The following FBXO38 variants were observed in gnomAD, a reference collection of about 807,000 sequenced individuals.
The protein encoded by FBXO38 is F-box protein 38, also known as F-box only protein 38.
A neutral mutation model predicts 131.9 loss-of-function variants in FBXO38; 53 were observed. The ratio of observed to expected loss-of-function variants is 0.40; its 90% CI spans 0.32 to 0.51. FBXO38 has a LOEUF of 0.51. FBXO38 is among the 20% of genes least tolerant of loss of function. FBXO38 has a pLI of 0.53. For missense variants in FBXO38, 1,076 were observed against 1,475.6 expected, an observed-to-expected ratio of 0.73 and a Z score of 4.44; for synonymous variants, 452 against 505.6, an observed-to-expected ratio of 0.89 and a Z score of 1.42.
rs535603650 is a variant in FBXO38 at position 148,416,211 on chromosome 5, G to A, written c.1407+141G>A. On this transcript the variant is annotated intron_variant, in intron 11 of 21. Transcript: ENST00000340253. The stretch of plus-strand genomic sequence containing the variant: ...ACTTTTTACTGCCAGCCTCAGTGAA[G>A]GCATAAAGGTTGTAATAATGCATAG... The A allele has an allele frequency of 2.4e-5, 17 of 716,968 alleles. No homozygotes were observed. The Admixed American group carries it at 3.2e-4, about 14-fold the overall frequency. 44.4% of individuals were successfully genotyped at this position (716,968 alleles called of 1,614,324 possible). A position where few individuals can be genotyped will look rare whatever the true frequency, so the allele number is the denominator to read the frequency against.
At chr5:148,432,000 C>G (rs564487693) in intron 15 of FBXO38, among the ~76,000 whole-genome samples, 5 of 152,296 alleles carry the variant, frequency 3.3e-5, no homozygotes, top group African/African-American at 1.2e-4. Context: ...GGCTAAATCT[C>G]TGAAGTTCCC....
intron 17 of FBXO38, among the ~76,000 whole-genome samples, chr5:148,436,619 C>T (rs1051759866): frequency 1.3e-5 from 2 of 152,080 alleles, no homozygotes; most frequent in Non-Finnish European, 1.5e-5. Context: ...TATCTCCTAC[C>T]ATATTAGTAG....
intron 5 of FBXO38, among the ~76,000 whole-genome samples, chr5:148,403,279 A>G (rs950991468): frequency 6.6e-6 from 1 of 152,130 alleles, no homozygotes; most frequent in Non-Finnish European, 1.5e-5. Flanking sequence ...AAAATGCATT[A>G]ATTTATGGGA....
At chr5:148,423,205 T>C (rs1482237968) in intron 12 of FBXO38, among the ~76,000 whole-genome samples, 2 of 152,168 alleles carry the variant, frequency 1.3e-5, no homozygotes, top group Non-Finnish European at 2.9e-5. Flanking sequence ...GTGTGCATCC[T>C]CTTTAAGAGC....
chr5:148,413,103 A>G (rs1395323300), intron 9 of FBXO38: 2 of 152,128 alleles, frequency 1.3e-5, no homozygotes, highest in South Asian at 2.1e-4. Context: ...TCCTAAGAGC[A>G]GGGAAATGAT....
intron 13 of FBXO38, among the ~76,000 whole-genome samples, chr5:148,424,852 A>T (rs537988360): frequency 6.6e-6 from 1 of 151,784 alleles, no homozygotes; most frequent in East Asian, 1.9e-4. Context: ...GTGACAGGAA[A>T]AAAGCTAGGT....
intron 12 of FBXO38, 24 bp from the exon 13 acceptor site, chr5:148,423,974 A>C (rs749825662): frequency 1.9e-6 from 3 of 1,601,450 alleles, no homozygotes; most frequent in Non-Finnish European, 2.6e-6. Context: ...TTTGGTTTTT[A>C]CTTTGTGTAT....
chr5:148,393,188 G>GGGGGGT (rs1420907423), intron 1 of FBXO38, among the ~76,000 whole-genome samples: 3 of 127,036 alleles, frequency 2.4e-5, no homozygotes, highest in African/African-American at 9.2e-5. Context: ...ACAGAAGAGG[G>GGGGGGT]GTGTGTGTGT....
At position 148,391,614 on chromosome 5, in the gene FBXO38, A is replaced by G. The variant is rs533988152; in HGVS notation, c.-63-3100A>G. On this transcript the variant is annotated intron_variant, in intron 1 of 21. Transcript: ENST00000340253. ...TGCTAGAGTGAGTATACTGAGAGCA[A>G]GTGGTAAGGATTGGAAGAAGATAAG... Among the ~76,000 whole-genome samples, 4 of 152,308 alleles carry G rather than the reference A, an allele frequency of 2.6e-5. No homozygotes were observed. The East Asian group carries it at 7.7e-4, about 29-fold the overall frequency.
At chr5:148,392,807 G>C (rs914855529) in intron 1 of FBXO38, among the ~76,000 whole-genome samples, 5 of 151,988 alleles carry the variant, frequency 3.3e-5, no homozygotes, top group Non-Finnish European at 7.4e-5. Context: ...AATACAAATG[G>C]GTCAGATGGG....
intron 9 of FBXO38, among the ~76,000 whole-genome samples, chr5:148,411,740 G>A (rs1353271282): frequency 6.6e-6 from 1 of 152,078 alleles, no homozygotes; most frequent in Non-Finnish European, 1.5e-5. Flanking sequence ...TGTTAAATCT[G>A]TATAGCTTTG....
intron 7 of FBXO38, 49 bp downstream of exon 7, chr5:148,406,443 ATAATCAT>A: frequency 2.1e-6 from 3 of 1,402,360 alleles, no homozygotes; most frequent in Non-Finnish European, 2.9e-6. Context: ...TCAACTTAAA[ATAATCAT>A]TAAGCTTTTA....
intron 5 of FBXO38, among the ~76,000 whole-genome samples, chr5:148,404,002 A>G (rs1009639815): frequency 2.0e-5 from 3 of 151,982 alleles, no homozygotes; most frequent in Admixed American, 1.3e-4. Context: ...TCCTCTGTGG[A>G]TATGATTCCT....
At chr5:148,438,560 T>A in intron 18 of FBXO38, 62 bp downstream of exon 18, 1 of 1,540,838 alleles carries the variant, frequency 6.5e-7, no homozygotes, top group Non-Finnish European at 8.8e-7. Flanking sequence ...TTTCTTTTTC[T>A]TGTTAGTCTT....
chr5:148,409,357 T>C (rs1752624089), intron 8 of FBXO38, 140 bp downstream of exon 8: 1 of 642,686 alleles, frequency 1.6e-6, no homozygotes, highest in African/African-American at 1.8e-5. Flanking sequence ...TACGAAGAAG[T>C]CCAAATAACA....
At chr5:148,411,910 C>T (rs1017760991) in intron 9 of FBXO38, among the ~76,000 whole-genome samples, 7 of 152,052 alleles carry the variant, frequency 4.6e-5, no homozygotes, top group African/African-American at 7.2e-5. Context: ...AAATTATTAG[C>T]TTTGAAATTG....
chr5:148,403,854 C>T (rs941732989), intron 5 of FBXO38, among the ~76,000 whole-genome samples: 4 of 152,154 alleles, frequency 2.6e-5, no homozygotes, highest in Non-Finnish European at 5.9e-5. Context: ...TTGCCAACTA[C>T]TGTTTGTTAA....
chr5:148,406,682 T>G (rs1367099872), intron 7 of FBXO38, among the ~76,000 whole-genome samples: 2 of 152,184 alleles, frequency 1.3e-5, no homozygotes, highest in African/African-American at 4.8e-5. Flanking sequence ...TATGGAATCT[T>G]TCTTAGAAAT....
intron 13 of FBXO38, 57 bp downstream of exon 13, chr5:148,424,174 G>A: frequency 6.5e-7 from 1 of 1,547,248 alleles, no homozygotes; most frequent in Non-Finnish European, 8.8e-7. Flanking sequence ...TAACTGTAAT[G>A]AAGTACATGA....
Sources: gnomAD v4.1 joint callset for allele counts (sites outside exome capture counted in the v4.1 genomes callset) on GRCh38, gnomAD v4.1.1 for gene constraint, MANE v1.5 for transcripts, NCBI Gene and HGNC (gene_info 2026-07-23, HGNC 2026-07-21) for gene names.